Variants in ADAMTSL1 observed in about 807,000 individuals in gnomAD.
ADAMTSL1 encodes ADAMTS-like protein 1.
In ADAMTSL1, 126 loss-of-function variants were observed where a neutral mutation model predicts 201.8. The observed-to-expected ratio is 0.62, with a 90% CI of 0.54 to 0.72. The LOEUF (loss-of-function observed/expected upper bound fraction) is 0.72, where lower values mean the gene tolerates loss of function less well. Ranked by LOEUF, ADAMTSL1 falls within the 30% of genes least tolerant of loss-of-function variation. The pLI, the probability that ADAMTSL1 is intolerant of heterozygous loss-of-function variation, is 0.00. For missense variants in ADAMTSL1, 2,679 were observed against 2,277.8 expected, an observed-to-expected ratio of 1.18 and a Z score of -3.59; for synonymous variants, 1,121 against 903.4, an observed-to-expected ratio of 1.24 and a Z score of -4.32.
chr9:18,463,961 C>A lies in ADAMTSL1; in HGVS notation c.208-40868C>A, dbSNP rs533853450. ...GTGCTTTTAAAATTCATACATTCAG[C>A]AAATGTTCATTAGACTCCTATTATG... On this transcript the variant is annotated intron_variant, in intron 2 of 29. Coordinates refer to the ADAMTSL1 transcript ENST00000680146. 9.2e-5 allele frequency among the ~76,000 whole-genome samples: 14 copies of A among 152,304 alleles called. No individual in the cohort carries two copies. In the South Asian group the frequency reaches 2.7e-3, roughly 29 times the overall value.
chr9:18,348,072 C>A (rs1391451863), intron 2 of ADAMTSL1, among the ~76,000 whole-genome samples: 2 of 152,182 alleles, frequency 1.3e-5, no homozygotes, highest in South Asian at 2.1e-4. Flanking sequence ...CCAAAATAGA[C>A]CCGAATTAGT....
chr9:18,321,110 A>G (rs988206730), intron 2 of ADAMTSL1, among the ~76,000 whole-genome samples: 12 of 152,318 alleles, frequency 7.9e-5, no homozygotes, highest in African/African-American at 2.4e-4. Flanking sequence ...AAGTAAAAGG[A>G]TGGAAACAGA....
intron 2 of ADAMTSL1, among the ~76,000 whole-genome samples, chr9:18,257,290 G>C (rs1283582549): frequency 6.6e-6 from 1 of 152,094 alleles, no homozygotes; most frequent in Non-Finnish European, 1.5e-5. Flanking sequence ...GAATGGAGGA[G>C]ATCCAAAAAG....
chr9:17,918,653 G>A lies in ADAMTSL1; in HGVS notation c.87+11731G>A, dbSNP rs531190163. ...TTTTTTCCCGATCAGTTTTGCTATT[G>A]TTTGATAGAATGTTCTTTAAATGTC... On this transcript the variant is annotated intron_variant, in intron 1 of 29. Coordinates refer to the ADAMTSL1 transcript ENST00000680146. Among the ~76,000 whole-genome samples, 7 of 151,432 alleles carry A rather than the reference G, an allele frequency of 4.6e-5. 1 individual carries two copies. The South Asian group carries it at 1.5e-3, about 31-fold the overall frequency.
chr9:18,164,677 C>T (rs1319076346), intron 2 of ADAMTSL1, among the ~76,000 whole-genome samples: 1 of 151,676 alleles, frequency 6.6e-6, no homozygotes, highest in Non-Finnish European at 1.5e-5. Context: ...TTAGAGGATG[C>T]CGTATATACA....
At chr9:18,214,385 T>C (rs1829991325) in intron 2 of ADAMTSL1, among the ~76,000 whole-genome samples, 1 of 152,216 alleles carries the variant, frequency 6.6e-6, no homozygotes, top group African/African-American at 2.4e-5. Flanking sequence ...CCCAAAGCAA[T>C]GATATTCTTT....
chr9:18,638,710 A>C (rs1287695254), intron 6 of ADAMTSL1, among the ~76,000 whole-genome samples: 1 of 152,170 alleles, frequency 6.6e-6, no homozygotes, highest in Non-Finnish European at 1.5e-5. Context: ...TGAAAATGAT[A>C]GTTCTTGTTC....
At chr9:18,501,030 A>C (rs535653694) in intron 1 of ADAMTSL1, among the ~76,000 whole-genome samples, 9 of 152,302 alleles carry the variant, frequency 5.9e-5, no homozygotes, top group African/African-American at 2.2e-4. Flanking sequence ...TCATTGAAAA[A>C]CATTGGCTGG....
intron 1 of ADAMTSL1, among the ~76,000 whole-genome samples, chr9:17,970,517 T>C (rs771128490): frequency 6.6e-6 from 1 of 152,020 alleles, no homozygotes; most frequent in Non-Finnish European, 1.5e-5. Flanking sequence ...TCTTGTCACC[T>C]TTAACTTGAT....
In ADAMTSL1 at chr9:18,777,279, C is replaced by T. The variant is rs749684932; in HGVS notation, c.3050C>T (p.Pro1017Leu). 1.2e-6 allele frequency: 2 copies of T among 1,607,826 alleles called. No homozygotes were observed. Among genetic ancestry groups the T allele is most frequent in the South Asian group, 1.1e-5 (1 of 90,488 alleles). The change falls in exon 19 of 29, where the codon CCG becomes CTG. Residue 1017 changes from proline (P) to leucine (L), a missense_variant. Physicochemically the swap from Pro to Leu is moderately conservative, Grantham distance 98. Coordinates refer to ENST00000380548, the MANE Select transcript of ADAMTSL1 (RefSeq NM_001040272.6). ...GAGAAGCGGGGCCTGGCCGCCAACC[C>T]GGGGAGCCGCTACGACGACCTCGTC... ...KAEKRGLAAN[P>L]GSRYDDLVSR...
chr9:17,996,289 C>T (rs183945961), intron 1 of ADAMTSL1, among the ~76,000 whole-genome samples: 19 of 152,098 alleles, frequency 1.2e-4, no homozygotes, highest in Admixed American at 1.2e-3. Context: ...TCATAAGGAA[C>T]ACAGACCTTG....
At chr9:18,886,211 T>TATAC (rs1202758335) in intron 23 of ADAMTSL1, among the ~76,000 whole-genome samples, 56 of 105,822 alleles carry the variant, frequency 5.3e-4, no homozygotes, top group South Asian at 1.5e-3. Context: ...TATATATATA[T>TATAC]ACACACACAT....
intron 1 of ADAMTSL1, among the ~76,000 whole-genome samples, chr9:18,115,680 C>A (rs955181046): frequency 5.3e-5 from 8 of 152,082 alleles, no homozygotes; most frequent in Non-Finnish European, 1.2e-4. Flanking sequence ...TGATGATTAT[C>A]CTTGTTTTAC....
intron 1 of ADAMTSL1, among the ~76,000 whole-genome samples, chr9:18,145,277 A>G (rs530409131): frequency 6.6e-6 from 1 of 152,306 alleles, no homozygotes; most frequent in African/African-American, 2.4e-5. Flanking sequence ...TGTTATGCAC[A>G]ATTGCTGTGA....
intron 1 of ADAMTSL1, among the ~76,000 whole-genome samples, chr9:18,139,669 C>T (rs549988406): frequency 6.6e-6 from 1 of 152,248 alleles, no homozygotes; most frequent in Middle Eastern, 3.4e-3. Flanking sequence ...ATATAGCTAT[C>T]CTATGTGACT....
intron 9 of ADAMTSL1, among the ~76,000 whole-genome samples, chr9:18,671,930 A>T (rs925650957): frequency 6.6e-6 from 1 of 152,052 alleles, no homozygotes; most frequent in Admixed American, 6.5e-5. Context: ...CCAGCTACTC[A>T]GGAGGCCGAG....
At chr9:18,107,845 G>A (rs1824825563) in intron 1 of ADAMTSL1, among the ~76,000 whole-genome samples, 1 of 152,150 alleles carries the variant, frequency 6.6e-6, no homozygotes, top group African/African-American at 2.4e-5. Flanking sequence ...GCCAGGAAGT[G>A]TTAAATGCTG....
At chr9:18,249,976 A>G (rs1831403727) in intron 2 of ADAMTSL1, among the ~76,000 whole-genome samples, 1 of 152,242 alleles carries the variant, frequency 6.6e-6, no homozygotes, top group African/African-American at 2.4e-5. Flanking sequence ...ATATATACTT[A>G]TTACAAATAA....
intron 2 of ADAMTSL1, among the ~76,000 whole-genome samples, chr9:18,448,359 C>A (rs994692445): frequency 2.0e-5 from 3 of 152,134 alleles, no homozygotes; most frequent in African/African-American, 7.2e-5. Flanking sequence ...CTATTGTAAC[C>A]ACAAACTGAG....
Sources: allele counts gnomAD v4.1 joint callset (sites outside exome capture counted in the v4.1 genomes callset), GRCh38; gene constraint gnomAD v4.1.1; transcripts MANE v1.5; gene names NCBI Gene and HGNC (gene_info 2026-07-23, HGNC 2026-07-21).